CNTNAP5: variants seen among roughly 807,000 people sequenced by gnomAD.
CNTNAP5 encodes contactin-associated protein-like 5.
Under a neutral mutation model 150.2 loss-of-function variants are expected in CNTNAP5, and 72 were observed. That is an observed-to-expected ratio of 0.48 (90% confidence interval 0.40 to 0.58). The LOEUF (loss-of-function observed/expected upper bound fraction) is 0.58, where lower values mean the gene tolerates loss of function less well. CNTNAP5 is among the 20% of genes least tolerant of loss of function. The pLI is 0.00. For missense variants in CNTNAP5, 1,636 were observed against 1,626.2 expected (o/e 1.01, Z -0.10); for synonymous variants, 672 against 619.8 (o/e 1.08, Z -1.25).
chr2:124,581,868 A>T (rs977902991), intron 11 of CNTNAP5, among the ~76,000 whole-genome samples: 1 of 152,188 alleles, frequency 6.6e-6, no homozygotes, highest in Admixed American at 6.5e-5. Context: ...ATTCTCCAAA[A>T]GCGGCCGTCA....
intron 12 of CNTNAP5, among the ~76,000 whole-genome samples, chr2:124,620,751 A>ATG: frequency 8.1e-6 from 1 of 123,274 alleles, no homozygotes; most frequent in African/African-American, 3.8e-5. Context: ...ACATGCACAC[A>ATG]CACACACACA....
At chr2:124,201,102 A>G (rs1320027264) in intron 1 of CNTNAP5, among the ~76,000 whole-genome samples, 1 of 152,152 alleles carries the variant, frequency 6.6e-6, no homozygotes, top group Non-Finnish European at 1.5e-5. Context: ...TGTAAATAAG[A>G]ATTTAATTAC....
intron 1 of CNTNAP5, among the ~76,000 whole-genome samples, chr2:124,175,032 T>A (rs1049223853): frequency 1.3e-5 from 2 of 151,616 alleles, no homozygotes; most frequent in Non-Finnish European, 3.0e-5. Flanking sequence ...GTAAGTACAT[T>A]TTTTTTAGAC....
At chr2:124,090,007 A>G (rs1039251804) in intron 1 of CNTNAP5, among the ~76,000 whole-genome samples, 8 of 152,252 alleles carry the variant, frequency 5.3e-5, no homozygotes, top group African/African-American at 1.9e-4. Context: ...GTGGGAAAGC[A>G]CTGAATCTTT....
chr2:124,691,412 C>G (rs1434635299), intron 13 of CNTNAP5, among the ~76,000 whole-genome samples: 1 of 152,004 alleles, frequency 6.6e-6, no homozygotes, highest in Non-Finnish European at 1.5e-5. Flanking sequence ...AAGAGGGATT[C>G]TAGTTTCTAT....
chr2:124,174,216 A>G (rs537761722), intron 1 of CNTNAP5, among the ~76,000 whole-genome samples: 1 of 152,234 alleles, frequency 6.6e-6, no homozygotes, highest in Admixed American at 6.5e-5. Context: ...GTGTGTTTTC[A>G]TGTCTGCTAA....
chr2:124,806,917 T>TG (rs1682094064), intron 19 of CNTNAP5, among the ~76,000 whole-genome samples: 1 of 147,574 alleles, frequency 6.8e-6, no homozygotes, highest in East Asian at 2.0e-4. Flanking sequence ...TTATTTTACT[T>TG]TTTTTTTTTT....
chr2:124,523,981 C>A (rs1006777843), intron 8 of CNTNAP5, among the ~76,000 whole-genome samples: 46 of 150,458 alleles, frequency 3.1e-4, no homozygotes, highest in African/African-American at 1.1e-3. Context: ...TTTTCCTCTG[C>A]GTTTATACAA....
chr2:124,642,570 C>T (rs1025516896), intron 12 of CNTNAP5, among the ~76,000 whole-genome samples: 6 of 152,152 alleles, frequency 3.9e-5, no homozygotes, highest in African/African-American at 9.7e-5. Context: ...GACTTCACTG[C>T]GCAGGGCTCT....
chr2:124,236,509 A>G (rs1009955779), intron 2 of CNTNAP5, among the ~76,000 whole-genome samples: 2 of 152,172 alleles, frequency 1.3e-5, no homozygotes, highest in Non-Finnish European at 2.9e-5. Flanking sequence ...TGCTACAAGC[A>G]TGTCTGTGAA....
chr2:124,309,975 C>T (rs114141086), intron 3 of CNTNAP5, among the ~76,000 whole-genome samples: 14 of 151,962 alleles, frequency 9.2e-5, no homozygotes, highest in African/African-American at 2.9e-4. Context: ...CATGTGCTTC[C>T]GTATAGCAAT....
At chr2:124,726,077 A>G (rs1014933708) in intron 13 of CNTNAP5, among the ~76,000 whole-genome samples, 3 of 152,036 alleles carry the variant, frequency 2.0e-5, no homozygotes, top group African/African-American at 7.2e-5. Context: ...ACCAATTTAC[A>G]TTCCCACCAA....
At chr2:124,147,156 G>A (rs1183257350) in intron 1 of CNTNAP5, among the ~76,000 whole-genome samples, 3 of 152,178 alleles carry the variant, frequency 2.0e-5, no homozygotes, top group Non-Finnish European at 4.4e-5. Flanking sequence ...TGAAAGTTGG[G>A]CTTTTGAGGA....
intron 19 of CNTNAP5, among the ~76,000 whole-genome samples, chr2:124,850,326 T>C (rs1191878707): frequency 6.6e-6 from 1 of 152,170 alleles, no homozygotes; most frequent in African/African-American, 2.4e-5. Flanking sequence ...CTAAATCCAA[T>C]GACTGGTGTC....
At chr2:124,287,352 T>G (rs1248916645) in intron 3 of CNTNAP5, among the ~76,000 whole-genome samples, 9 of 152,132 alleles carry the variant, frequency 5.9e-5, no homozygotes. Flanking sequence ...CCAATGTAAA[T>G]TAGGGTTGAT....
chr2:124,084,484 T>G (rs1364614727), intron 1 of CNTNAP5, among the ~76,000 whole-genome samples: 1 of 152,062 alleles, frequency 6.6e-6, no homozygotes, highest in Non-Finnish European at 1.5e-5. Context: ...TTGCCTGGTC[T>G]GGTCTCAAAC....
chr2:124,435,535 G>A (rs910490428), intron 5 of CNTNAP5, among the ~76,000 whole-genome samples: 8 of 152,104 alleles, frequency 5.3e-5, no homozygotes, highest in South Asian at 4.2e-4. Context: ...GTAAATGGCC[G>A]TTTTTCATAA....
intron 1 of CNTNAP5, among the ~76,000 whole-genome samples, chr2:124,096,294 C>A (rs1682931090): frequency 2.0e-5 from 3 of 152,040 alleles, no homozygotes; most frequent in African/African-American, 4.8e-5. Flanking sequence ...TTTTTCAAAT[C>A]TCATTTATAG....
At chr2:124,587,562 T>C (rs4322839) in intron 11 of CNTNAP5, among the ~76,000 whole-genome samples, 6 of 152,200 alleles carry the variant, frequency 3.9e-5, no homozygotes, top group Admixed American at 3.9e-4. Flanking sequence ...AGATCTCTTA[T>C]TGCCTCTTTC....
Sources: allele counts gnomAD v4.1 joint callset (sites outside exome capture counted in the v4.1 genomes callset), GRCh38; gene constraint gnomAD v4.1.1; transcripts MANE v1.5; gene names NCBI Gene and HGNC (gene_info 2026-07-23, HGNC 2026-07-21).